Variants in IL16 observed in about 807,000 individuals in gnomAD.
IL16 encodes the protein interleukin 16, also known as pro-interleukin-16.
IL16 carries 67 observed loss-of-function variants against 110.1 expected under a neutral mutation model. That is an observed-to-expected ratio of 0.61 (90% confidence interval 0.50 to 0.75). The LOEUF (loss-of-function observed/expected upper bound fraction) is 0.75, where lower values mean the gene tolerates loss of function less well. IL16 is among the 30% of genes least tolerant of loss of function. The pLI is 0.00. For synonymous variants in IL16, 689 were observed against 662.9 expected, an observed-to-expected ratio of 1.04 and a Z score of -0.61; for missense variants, 1,545 against 1,655.0, an observed-to-expected ratio of 0.93 and a Z score of 1.15.
chr15:81,283,387 G>A (rs1899284697), intron 9 of IL16, among the ~76,000 whole-genome samples: 1 of 151,386 alleles, frequency 6.6e-6, no homozygotes, highest in East Asian at 1.9e-4. Context: ...AAAAAAAAGA[G>A]AATGATCTGG....
intron 1 of IL16, among the ~76,000 whole-genome samples, chr15:81,224,325 CT>C (rs1010588167): frequency 6.6e-6 from 1 of 152,236 alleles, no homozygotes; most frequent in African/African-American, 2.4e-5. Flanking sequence ...CACAGCCTCT[CT>C]TTTGTGGCTT....
At chr15:81,203,296 C>A (rs1895890616) in intron 1 of IL16, among the ~76,000 whole-genome samples, 2 of 152,120 alleles carry the variant, frequency 1.3e-5, no homozygotes, top group African/African-American at 2.4e-5. Context: ...ATGGTAGTTT[C>A]TTTTGCTGTG....
intron 10 of IL16, among the ~76,000 whole-genome samples, chr15:81,289,075 T>G (rs2142342280): frequency 6.6e-6 from 1 of 152,296 alleles, no homozygotes; most frequent in Non-Finnish European, 1.5e-5. Context: ...CCACAGTGGC[T>G]ACACCATTTT....
At chr15:81,199,031 A>AG (rs71153567) in intron 1 of IL16, among the ~76,000 whole-genome samples, 1 of 96,802 alleles carries the variant, frequency 1.0e-5, no homozygotes, top group Non-Finnish European at 2.0e-5. Flanking sequence ...AAAAAAAAAA[A>AG]TATATATATA....
intron 1 of IL16, among the ~76,000 whole-genome samples, chr15:81,208,634 T>C (rs115999628): frequency 0.018 from 2,804 of 152,328 alleles, 82 homozygotes; most frequent in African/African-American, 0.063. Context: ...CTGGTCCATA[T>C]TTTGGTTTTA....
rs536168044 is a variant in IL16, at chr15:81,205,263, A to G, written c.-102+8111A>G. 6.0e-3 allele frequency among the ~76,000 whole-genome samples: 912 copies of G among 151,474 alleles called. 6 individuals are homozygous for G. The highest frequency in any genetic ancestry group is 0.021 in the African/African-American group (868 of 41,282). The stretch of plus-strand genomic sequence containing the variant: ...GGAGGTTGCAGTGAGCCGAGATCAC[A>G]CCATTGCACTCCAGCCTAGATGACA... On this transcript the variant is annotated intron_variant, in intron 1 of 18. Coordinates refer to ENST00000683961, the MANE Select transcript of IL16 (RefSeq NM_172217.5).
Position 81,288,829 on chromosome 15 carries a change from A to ATGTGTG in IL16, c.1333-1609_1333-1604dup, listed in dbSNP as rs149894902. On this transcript the variant is annotated intron_variant, in intron 10 of 18. Transcript: ENST00000683961. ...GGTCGAATAATCTTCTAGTATGTGTATGTGTGTGTGTGTGTGTGTGCGTGT... is the reference window on the plus strand; with the variant it reads ...GGTCGAATAATCTTCTAGTATGTGTATGTGTGTGTGTGTGTGTGTGTGTGTGCGTGT... Among the ~76,000 whole-genome samples the ATGTGTG allele has an allele frequency of 1.6e-3, 221 of 140,904 alleles. 1 individual carries two copies. Among genetic ancestry groups the ATGTGTG allele is most frequent in the Middle Eastern group, 3.5e-3 (1 of 282 alleles). The allele number at this position is 140,904 out of a possible 152,430, so 92.4% of individuals were successfully genotyped here. A position where few individuals can be genotyped will look rare whatever the true frequency, so the allele number is the denominator to read the frequency against.
In IL16 at chr15:81,225,545, T is replaced by C. The variant is rs753351248; in HGVS notation, c.146T>C (p.Leu49Ser). The change falls in exon 2 of 19, where the codon TTG becomes TCG. Residue 49 changes from leucine to serine, a missense_variant. Physicochemically the swap from Leu to Ser is moderately radical, Grantham distance 145. Around this residue, in one of 3 missense-constraint regions of IL16, gnomAD observed 1,185 missense variants for 1,238.8 expected, o/e 0.96. Transcript: ENST00000683961. ...TATCCTGATCCCTTTGAGATTTCCT[T>C]GGCCCAGGGCAAGGAGGGAATTTTC... ...EKYPDPFEIS[L>S]AQGKEGIFHS... 2 of 1,614,130 alleles carry C rather than the reference T, an allele frequency of 1.2e-6. No individual in the cohort carries two copies.
At chr15:81,289,745 T>A (rs944391320) in intron 10 of IL16, among the ~76,000 whole-genome samples, 10 of 152,256 alleles carry the variant, frequency 6.6e-5, no homozygotes, top group Non-Finnish European at 1.3e-4. Context: ...GCCTTTTCAA[T>A]CTGTTGATGA....
chr15:81,183,312 A>G (rs773518840), intron 1 of IL16, among the ~76,000 whole-genome samples: 2 of 152,210 alleles, frequency 1.3e-5, no homozygotes, highest in Non-Finnish European at 2.9e-5. Flanking sequence ...CAGTTTCAGC[A>G]GAAGCAGAAC....
Position 81,308,680 on chromosome 15 carries a change from G to A in IL16, c.3881G>A (p.Gly1294Asp). 2 of 1,613,750 alleles carry A rather than the reference G, an allele frequency of 1.2e-6. No individual in the cohort carries two copies. The highest frequency in any genetic ancestry group is 1.7e-6 in the Non-Finnish European group (2 of 1,179,634). The change falls in exon 19 of 19, where the codon GGC (glycine) becomes GAC (aspartate). Residue 1294 changes from glycine (G) to aspartate (D), a missense_variant. Around this residue, in one of 3 missense-constraint regions of IL16, gnomAD observed 356 missense variants for 399.3 expected, o/e 0.89. Transcript: ENST00000683961. ...CAGCTGGGTGGCACTGCCATGCAGG[G>A]CCTCACACGGTTTGAAGCCTGGAAC... ...ILQLGGTAMQ[G>D]LTRFEAWNII...
At chr15:81,255,429 G>T (rs1028126735) in intron 2 of IL16, among the ~76,000 whole-genome samples, 7 of 152,246 alleles carry the variant, frequency 4.6e-5, no homozygotes, top group Admixed American at 1.3e-4. Flanking sequence ...CTACTTCAGA[G>T]ACTGGCTGCA....
intron 2 of IL16, among the ~76,000 whole-genome samples, chr15:81,229,192 A>G (rs1896891180): frequency 6.6e-6 from 1 of 152,306 alleles, no homozygotes; most frequent in African/African-American, 2.4e-5. Flanking sequence ...AGACAGGGAC[A>G]AACTGGATCA....
Position 81,312,761 on chromosome 15 carries a change from A to G in IL16, c.*3963A>G, listed in dbSNP as rs2141666169. 1 of 152,466 alleles carries G rather than the reference A, an allele frequency of 6.6e-6. No individual in the cohort carries two copies. Among genetic ancestry groups the G allele is most frequent in the African/African-American group, 2.4e-5 (1 of 41,580 alleles). The allele number at this position is 152,466 out of a possible 1,614,324, so 9.4% of individuals were successfully genotyped here. ...AAATATTTTGCGGCATTAAAGCCAT[A>G]TACAAGGTCTATATCAGAAAAATAT... On this transcript the variant is annotated 3_prime_UTR_variant, in exon 19 of 19. Coordinates refer to ENST00000683961, the MANE Select transcript of IL16 (RefSeq NM_172217.5).
At chr15:81,228,322 A>ATT (rs34038033) in intron 2 of IL16, among the ~76,000 whole-genome samples, 3,675 of 140,454 alleles carry the variant, frequency 0.026, 91 homozygotes, top group Admixed American at 0.057. Context: ...TGTACAACAC[A>ATT]TTTTTTTTTT....
At chr15:81,223,988 A>G (rs1329935895) in intron 1 of IL16, among the ~76,000 whole-genome samples, 1 of 152,260 alleles carries the variant, frequency 6.6e-6, no homozygotes, top group African/African-American at 2.4e-5. Context: ...GAATTAATTT[A>G]TACTAAAGCA....
chr15:81,299,659 C>T lies in IL16; in HGVS notation c.2333C>T (p.Thr778Ile). 6.2e-7 allele frequency: 1 copy of T among 1,614,260 alleles called. No individual in the cohort carries two copies. The highest frequency in any genetic ancestry group is 2.2e-5 in the East Asian group (1 of 44,884). The change falls in exon 14 of 19, where the codon ACT (threonine) becomes ATT (isoleucine). Residue 778 changes from threonine (T) to isoleucine (I), a missense_variant. Coordinates refer to ENST00000683961, the MANE Select transcript of IL16 (RefSeq NM_172217.5). Reference sequence around the variant, plus strand: ...GTTTACAAGTCAGCAGACAGCAGCACTGTGAAGAAAGGTCCTCCTGTGGCT... The same window carrying T: ...GTTTACAAGTCAGCAGACAGCAGCATTGTGAAGAAAGGTCCTCCTGTGGCT... ...PKVYKSADSS[T>I]VKKGPPVAPK...
At chr15:81,285,277 C>T (rs1181798604) in intron 9 of IL16, among the ~76,000 whole-genome samples, 2 of 152,154 alleles carry the variant, frequency 1.3e-5, no homozygotes, top group Non-Finnish European at 2.9e-5. Flanking sequence ...TATGTTAGAT[C>T]CAATCCTTCC....
At position 81,229,077 on chromosome 15, in the gene IL16, G is replaced by C. The variant is rs1341893410; in HGVS notation, c.312+3366G>C. ...ATTTTAGCATGGGGGCACTAATTCTGAGGAATTAAGCACTTAATGAATTCA... is the reference window on the plus strand; with the variant it reads ...ATTTTAGCATGGGGGCACTAATTCTCAGGAATTAAGCACTTAATGAATTCA... On this transcript the variant is annotated intron_variant, in intron 2 of 18. Transcript: ENST00000683961. Among the ~76,000 whole-genome samples the C allele has an allele frequency of 2.0e-5, 3 of 152,166 alleles. No homozygotes were observed. In the East Asian group the frequency reaches 5.8e-4, roughly 29 times the overall value.
Sources: gnomAD v4.1 joint callset for allele counts (sites outside exome capture counted in the v4.1 genomes callset) on GRCh38, gnomAD v4.1.1 for gene constraint, gnomAD v4.1.1 regional missense constraint, MANE v1.5 for transcripts, NCBI Gene and HGNC (gene_info 2026-07-23, HGNC 2026-07-21) for gene names.